Variants in NAT1 observed in about 807,000 individuals in gnomAD.
The protein encoded by NAT1 is N-acetyltransferase 1.
For missense variants in NAT1, 400 were observed against 339.2 expected (o/e 1.18, Z -1.41); for synonymous variants, 144 against 122.6 (o/e 1.17, Z -1.16).
chr8:18,178,443 A>T (rs1420535099), intron 2 of NAT1, among the ~76,000 whole-genome samples: 1 of 152,106 alleles, frequency 6.6e-6, no homozygotes, highest in South Asian at 2.1e-4. Context: ...TCAACTTGAT[A>T]ACAAAACAGA....
intron 1 of NAT1, chr8:18,216,802 G>C: frequency 2.4e-6 from 2 of 819,846 alleles, no homozygotes; most frequent in South Asian, 2.0e-5. Context: ...TGAGAATTTA[G>C]AAGGGTCTCA....
chr8:18,175,162 G>C (rs1239565830), intron 2 of NAT1, among the ~76,000 whole-genome samples: 2 of 151,990 alleles, frequency 1.3e-5, no homozygotes, highest in East Asian at 3.8e-4. Context: ...TGTAGAAAGA[G>C]TCAATCAAGG....
chr8:18,206,853 T>C (rs1803747862), upstream of NAT1, among the ~76,000 whole-genome samples: 1 of 152,172 alleles, frequency 6.6e-6, no homozygotes, highest in African/African-American at 2.4e-5. Flanking sequence ...ATTTTCATGA[T>C]ATTAGATAGC....
At chr8:18,176,057 T>C (rs1231245273) in intron 2 of NAT1, among the ~76,000 whole-genome samples, 2 of 152,150 alleles carry the variant, frequency 1.3e-5, no homozygotes, top group Non-Finnish European at 2.9e-5. Context: ...TCATGTTGTT[T>C]GTTTTCTTGC....
In NAT1 at chr8:18,222,263, T is replaced by G; in HGVS notation, c.216T>G (p.Asn72Lys). The G allele has an allele frequency of 6.2e-7, 1 of 1,614,096 alleles. No individual in the cohort carries two copies. The highest frequency in any genetic ancestry group is 2.2e-5 in the East Asian group (1 of 44,864). Residue 72 changes from asparagine to lysine, a missense_variant, in exon 3 of 3, where the codon AAT (asparagine) becomes AAG (lysine). Asn to Lys is a moderately conservative substitution (Grantham distance 94, BLOSUM62 0). Transcript: ENST00000307719. ...RNRGGWCLQVNHLLYWALTTI... is the reference protein window; with the variant it reads ...RNRGGWCLQVKHLLYWALTTI... ...GGGGTGGATGGTGTCTCCAGGTCAATCATCTTCTGTACTGGGCTCTGACCA... is the reference window on the plus strand; with the variant it reads ...GGGGTGGATGGTGTCTCCAGGTCAAGCATCTTCTGTACTGGGCTCTGACCA...
intron 2 of NAT1, among the ~76,000 whole-genome samples, chr8:18,188,994 C>CAAAAAAAAAAAAAAAAAAAAAAAA (rs55636901): frequency 2.4e-5 from 2 of 83,118 alleles, no homozygotes; most frequent in Non-Finnish European, 4.7e-5. Context: ...GACTCCGACT[C>CAAAAAAAAAAAAAAAAAAAAAAAA]AAAAAAAAAA....
At position 18,216,779 on chromosome 8, in the gene NAT1, A is replaced by T; in HGVS notation, c.-85-2632A>T. On this transcript the variant is annotated intron_variant, in intron 1 of 2. Coordinates refer to ENST00000307719, the MANE Select transcript of NAT1 (RefSeq NM_000662.8). ...AAGAGGCTAAGCAGTTGACAGACAG[A>T]TACTGGGTATGATGAGAATTTAGAA... 3 of 668,986 alleles carry T rather than the reference A, an allele frequency of 4.5e-6. No homozygotes were observed. In the South Asian group the frequency reaches 6.9e-5, roughly 15 times the overall value. 41.4% of individuals were successfully genotyped at this position (668,986 alleles called of 1,614,324 possible).
rs1345973401 is a variant in NAT1 at position 18,185,352 on chromosome 8, T to C, written n.92+14613T>C. ...TAATAGTTTCAGGATTATTTAGAAT[T>C]TCTATTTTTCTTGTGACAGTTTTAT... is the stretch of plus-strand genomic sequence containing the variant. On this transcript the variant is annotated intron_variant and non_coding_transcript_variant, in intron 2 of 4. Transcript: ENST00000517441. Among the ~76,000 whole-genome samples the C allele has an allele frequency of 2.6e-5, 4 of 152,200 alleles. No homozygotes were observed. In the East Asian group the frequency reaches 7.7e-4, roughly 29 times the overall value.
intron 2 of NAT1, among the ~76,000 whole-genome samples, chr8:18,200,214 T>A (rs976269613): frequency 6.6e-6 from 1 of 152,180 alleles, no homozygotes; most frequent in Non-Finnish European, 1.5e-5. Context: ...GGAATATAAA[T>A]TATTCTACCA....
At position 18,173,581 on chromosome 8, in the gene NAT1, G is replaced by A. The variant is rs58185302; in HGVS notation, n.92+2842G>A. On this transcript the variant is annotated intron_variant and non_coding_transcript_variant, in intron 2 of 4. Transcript: ENST00000517441. ...TTATAACACTGAGGCACAGAAAATA[G>A]TCTCACCTCTTCCCAGTACTTAGGA... 7.9e-5 allele frequency among the ~76,000 whole-genome samples: 12 copies of A among 152,260 alleles called. No homozygotes were observed. The East Asian group carries it at 2.3e-3, about 29-fold the overall frequency.
intron 2 of NAT1, among the ~76,000 whole-genome samples, chr8:18,203,912 A>G (rs1428243206): frequency 1.3e-5 from 2 of 152,148 alleles, no homozygotes; most frequent in East Asian, 3.9e-4. Context: ...CACGTTAAAG[A>G]TGGTGGCTCC....
chr8:18,201,129 A>T (rs1803444382), intron 2 of NAT1: 1 of 152,232 alleles, frequency 6.6e-6, no homozygotes, highest in African/African-American at 2.4e-5. Flanking sequence ...ATGAGACATT[A>T]GATGAGATCG....
At position 18,222,956 on chromosome 8, in the gene NAT1, C is replaced by T. The variant is rs1194041384; in HGVS notation, c.*36C>T. ...AAAACAATCTTGTCTATTTGTCATC[C>T]AGCTCACCAGTTATCAACTGACGAC... On this transcript the variant is annotated 3_prime_UTR_variant, in exon 3 of 3. Coordinates refer to ENST00000307719, the MANE Select transcript of NAT1 (RefSeq NM_000662.8). 1 of 1,500,034 alleles carries T rather than the reference C, an allele frequency of 6.7e-7. No individual in the cohort carries two copies. The highest frequency in any genetic ancestry group is 1.4e-5 in the African/African-American group (1 of 71,374). The allele number at this position is 1,500,034 out of a possible 1,614,324, so 92.9% of individuals were successfully genotyped here.
At chr8:18,189,673 C>T (rs930986433) in intron 2 of NAT1, among the ~76,000 whole-genome samples, 5 of 152,122 alleles carry the variant, frequency 3.3e-5, no homozygotes, top group Non-Finnish European at 7.3e-5. Flanking sequence ...CTTTTCTCTC[C>T]GAATTCCCTT....
upstream of NAT1, among the ~76,000 whole-genome samples, chr8:18,206,076 C>T (rs1803705188): frequency 6.6e-6 from 1 of 152,184 alleles, no homozygotes; most frequent in African/African-American, 2.4e-5. Context: ...TGGTTTGCTG[C>T]CTCCTATTTC....
At chr8:18,188,449 A>G (rs1471545097) in intron 2 of NAT1, among the ~76,000 whole-genome samples, 1 of 152,156 alleles carries the variant, frequency 6.6e-6, no homozygotes, top group Non-Finnish European at 1.5e-5. Context: ...CAAAATATAC[A>G]TTTATAAATG....
chr8:18,221,175 T>C (rs1031774625), intron 2 of NAT1, among the ~76,000 whole-genome samples: 1 of 152,204 alleles, frequency 6.6e-6, no homozygotes, highest in Non-Finnish European at 1.5e-5. Context: ...GAATGTTTTT[T>C]GAACGCTCAA....
chr8:18,218,998 T>C (rs945885288), intron 1 of NAT1, among the ~76,000 whole-genome samples: 1 of 147,316 alleles, frequency 6.8e-6, no homozygotes, highest in Non-Finnish European at 1.5e-5. Context: ...GAATTATAGC[T>C]GTACCTAGAG....
At chr8:18,183,075 T>C (rs1471377388) in intron 2 of NAT1, among the ~76,000 whole-genome samples, 1 of 152,186 alleles carries the variant, frequency 6.6e-6, no homozygotes, top group Non-Finnish European at 1.5e-5. Flanking sequence ...CAGAAATGTA[T>C]TGGCTCATAG....
Sources: allele counts gnomAD v4.1 joint callset (sites outside exome capture counted in the v4.1 genomes callset), GRCh38; gene constraint gnomAD v4.1.1; transcripts MANE v1.5; gene names NCBI Gene and HGNC (gene_info 2026-07-23, HGNC 2026-07-21).